Variants in DIXDC1 observed in about 807,000 individuals in gnomAD.
DIXDC1 encodes the protein dixin.
A neutral mutation model predicts 103.1 loss-of-function variants in DIXDC1; 64 were observed. The ratio of observed to expected loss-of-function variants is 0.62; its 90% CI spans 0.51 to 0.76. The LOEUF (loss-of-function observed/expected upper bound fraction) is 0.76. Ranked by LOEUF, DIXDC1 falls within the 30% of genes least tolerant of loss-of-function variation. The pLI is 0.00. For missense variants in DIXDC1, 759 were observed against 834.2 expected, an observed-to-expected ratio of 0.91 and a Z score of 1.11; for synonymous variants, 266 against 298.5, an observed-to-expected ratio of 0.89 and a Z score of 1.12.
intron 1 of DIXDC1, among the ~76,000 whole-genome samples, chr11:111,955,833 C>CAAAAAA (rs781822030): frequency 2.3e-4 from 4 of 17,670 alleles, no homozygotes; most frequent in African/African-American, 4.1e-4. Flanking sequence ...GACTCTAGCT[C>CAAAAAA]AAAAAAAAAA....
At chr11:111,971,374 T>C (rs587740863) in intron 3 of DIXDC1, among the ~76,000 whole-genome samples, 48 of 152,236 alleles carry the variant, frequency 3.2e-4, no homozygotes, top group African/African-American at 1.1e-3. Flanking sequence ...TCAACACTAA[T>C]CAGATAAATG....
chr11:111,974,255 G>C lies in DIXDC1; in HGVS notation c.548+1G>C, dbSNP rs371712337. 7 of 1,611,328 alleles carry C rather than the reference G, an allele frequency of 4.3e-6. No individual in the cohort carries two copies. The highest frequency in any genetic ancestry group is 2.7e-5 in the African/African-American group (2 of 74,892). On this transcript the variant is annotated splice_donor_variant, in intron 4 of 19. Coordinates refer to ENST00000440460, the MANE Select transcript of DIXDC1 (RefSeq NM_001037954.4). LOFTEE classifies it high-confidence loss of function. ...GGGATGTCTTTCGATATAGACAGAGGTAAGGGTAGAAATCTGGGGGTGGGA... is the reference window on the plus strand; with the variant it reads ...GGGATGTCTTTCGATATAGACAGAGCTAAGGGTAGAAATCTGGGGGTGGGA...
chr11:111,977,899 T>C lies in DIXDC1; in HGVS notation c.657-2838T>C, dbSNP rs1011171788. 16 of 1,416,056 alleles carry C rather than the reference T, an allele frequency of 1.1e-5. No individual in the cohort carries two copies. The Admixed American group carries it at 2.0e-4, about 18-fold the overall frequency. 87.7% of individuals were successfully genotyped at this position (1,416,056 alleles called of 1,614,324 possible). A position where few individuals can be genotyped will look rare whatever the true frequency, so the allele number is the denominator to read the frequency against. On this transcript the variant is annotated intron_variant, in intron 5 of 19. Coordinates refer to ENST00000440460, the MANE Select transcript of DIXDC1 (RefSeq NM_001037954.4). The surrounding 1 kb of genome is among the most constrained non-coding windows in gnomAD (Gnocchi z 6.1). The stretch of plus-strand genomic sequence containing the variant: ...GAGACAGGCGGGGTGGTGGGAGCAT[T>C]ATGTTGGGAGGACCGGCTGCTGACC...
upstream of DIXDC1, among the ~76,000 whole-genome samples, chr11:111,933,801 T>A (rs1448975124): frequency 7.2e-5 from 11 of 152,154 alleles, no homozygotes; most frequent in Admixed American, 6.5e-4. Context: ...TTTATAGTCA[T>A]GAATTATTGG....
chr11:111,999,877 TG>T (rs1355205766), intron 17 of DIXDC1, among the ~76,000 whole-genome samples: 2 of 152,078 alleles, frequency 1.3e-5, no homozygotes, highest in African/African-American at 4.8e-5. Flanking sequence ...GGTTCACGCC[TG>T]TAATCCCAGC....
intron 2 of DIXDC1, chr11:111,930,033 C>A: frequency 2.2e-6 from 2 of 907,472 alleles, no homozygotes; most frequent in Non-Finnish European, 3.1e-6. Flanking sequence ...ATATATTTGT[C>A]TTTTTTTTTG....
At chr11:111,982,111 G>C in intron 6 of DIXDC1, 1 of 389,484 alleles carries the variant, frequency 2.6e-6, no homozygotes, top group Non-Finnish European at 4.6e-6. Flanking sequence ...TACTTCCTAA[G>C]AGTTTTAAAA....
chr11:111,956,239 G>A (rs1298047140), intron 1 of DIXDC1, among the ~76,000 whole-genome samples: 2 of 152,150 alleles, frequency 1.3e-5, no homozygotes, highest in African/African-American at 2.4e-5. Flanking sequence ...GAATTTCAGA[G>A]TTGCTTACTT....
In DIXDC1 at chr11:111,957,293, A is replaced by G. The variant is rs188769445; in HGVS notation, c.61-7256A>G. Among the ~76,000 whole-genome samples the G allele has an allele frequency of 3.3e-5, 5 of 152,306 alleles. No individual in the cohort carries two copies. In the East Asian group the frequency reaches 9.6e-4, roughly 29 times the overall value. On this transcript the variant is annotated intron_variant, in intron 1 of 19. Coordinates refer to ENST00000440460, the MANE Select transcript of DIXDC1 (RefSeq NM_001037954.4). ...AAAATCATCATTTGGGAACCACCAT[A>G]ATAATAATTGTAGCAGGAAAGAAAA...
chr11:112,006,190 A>G (rs1861231988), intron 17 of DIXDC1, among the ~76,000 whole-genome samples: 1 of 152,042 alleles, frequency 6.6e-6, no homozygotes, highest in South Asian at 2.1e-4. Context: ...CAGCTAGTGC[A>G]GCAGTCAGAG....
intron 1 of DIXDC1, among the ~76,000 whole-genome samples, chr11:111,964,134 A>G (rs1335371993): frequency 6.6e-6 from 1 of 152,212 alleles, no homozygotes; most frequent in African/African-American, 2.4e-5. Context: ...TCTGTTATGC[A>G]TATGGCACGA....
At chr11:111,937,242 C>A (rs986981182), upstream of DIXDC1, 5 of 1,215,890 alleles carry the variant, frequency 4.1e-6, no homozygotes, top group African/African-American at 6.3e-5. Context: ...CCGGCAGCGC[C>A]GCTCAACCTA....
At chr11:111,934,759 G>GAT (rs1966141082), upstream of DIXDC1, among the ~76,000 whole-genome samples, 1 of 152,048 alleles carries the variant, frequency 6.6e-6, no homozygotes, top group Admixed American at 6.6e-5. Context: ...AAAAAAAAAT[G>GAT]GACATTATAT....
chr11:111,927,460 C>G (rs1965861628), intron 1 of DIXDC1: 1 of 152,522 alleles, frequency 6.6e-6, no homozygotes. Context: ...TGGGGACACG[C>G]GGAGGTGGCG....
Position 111,929,763 on chromosome 11 carries a change from A to G in DIXDC1, c.-36-55A>G, listed in dbSNP as rs1965953536. The stretch of plus-strand genomic sequence containing the variant: ...CCCCAACTCGGTTAGTTGAGCTTTA[A>G]ATTTTTTTTTTCCTGGCTTGTTATT... On this transcript the variant is annotated intron_variant, in intron 1 of 5. Coordinates refer to the DIXDC1 transcript ENST00000529225. The G allele has an allele frequency of 6.7e-6, 8 of 1,200,138 alleles. No individual in the cohort carries two copies. The South Asian group carries it at 1.1e-4, about 17-fold the overall frequency. The allele number at this position is 1,200,138 out of a possible 1,614,324, so 74.3% of individuals were successfully genotyped here.
chr11:111,952,041 T>C (rs1439670731), intron 1 of DIXDC1, among the ~76,000 whole-genome samples: 1 of 152,118 alleles, frequency 6.6e-6, no homozygotes, highest in African/African-American at 2.4e-5. Flanking sequence ...AATTTTTGTA[T>C]TTTTAGTACA....
At chr11:111,929,908 T>G in exon 2 of DIXDC1, 1 of 1,536,016 alleles carries the variant, frequency 6.5e-7, no homozygotes, top group Non-Finnish European at 8.7e-7. Flanking sequence ...AACAGAGCCT[T>G]CTGTAAGTTT....
intron 2 of DIXDC1, chr11:111,930,035 T>G (rs1384016216): frequency 1.2e-6 from 1 of 864,210 alleles, no homozygotes. Context: ...ATATTTGTCT[T>G]TTTTTTTGCT....
At position 111,929,941 on chromosome 11, in the gene DIXDC1, G is replaced by A. The variant is rs142387296; in HGVS notation, c.57+31G>A. On this transcript the variant is annotated intron_variant, in intron 2 of 5. Coordinates refer to the DIXDC1 transcript ENST00000529225. ...TTTTTGGTGTACTATTGTGAAAAGC[G>A]TGATGATGTTACTGGAATTTCAATA... The A allele has an allele frequency of 6.4e-5, 98 of 1,527,060 alleles. 1 individual carries two copies. In the African/African-American group the frequency reaches 8.8e-4, roughly 14 times the overall value. The allele number at this position is 1,527,060 out of a possible 1,614,324, so 94.6% of individuals were successfully genotyped here.
Sources: allele counts gnomAD v4.1 joint callset (sites outside exome capture counted in the v4.1 genomes callset), GRCh38; gene constraint gnomAD v4.1.1; non-coding constraint Gnocchi (gnomAD v3.1); transcripts MANE v1.5; gene names NCBI Gene and HGNC (gene_info 2026-07-23, HGNC 2026-07-21).